The following METTL25 variants were observed in gnomAD, a reference collection of about 807,000 sequenced individuals.
METTL25 encodes the protein methyltransferase like 25.
Under a neutral mutation model 71.6 loss-of-function variants are expected in METTL25, and 64 were observed. That is an observed-to-expected ratio of 0.89 (90% CI 0.73 to 1.10). METTL25 has a LOEUF of 1.10. Ranked by LOEUF, METTL25 falls within the 50% of genes least tolerant of loss-of-function variation. METTL25 has a pLI of 0.00. For synonymous variants in METTL25, 287 were observed against 250.3 expected (o/e 1.15, Z -1.38); for missense variants, 807 against 707.0 (o/e 1.14, Z -1.60).
Position 82,389,835 on chromosome 12 carries a change from T to A in METTL25, c.444T>A (p.Val148=). ...NQRIGENQKA[V]EFMNMKKSHE... is the part of the protein sequence containing the mutation. ...CATTAGGTGAAAATCAGAAGGCAGT[T>A]GAGTTTATGAATATGAAGAAATCTC... Residue 148 remains valine, a synonymous_variant, in exon 3 of 12, where the codon GTT becomes GTA. Transcript: ENST00000248306. 1 of 1,602,288 alleles carries A rather than the reference T, an allele frequency of 6.2e-7. No individual in the cohort carries two copies. The highest frequency in any genetic ancestry group is 1.1e-5 in the South Asian group (1 of 89,580).
At chr12:82,371,958 C>G (rs894470564) in intron 1 of METTL25, among the ~76,000 whole-genome samples, 1 of 152,156 alleles carries the variant, frequency 6.6e-6, no homozygotes, top group Non-Finnish European at 1.5e-5. Flanking sequence ...CCAGTGGATC[C>G]ATACTGGGGA....
intron 9 of METTL25, among the ~76,000 whole-genome samples, chr12:82,467,568 GT>G (rs977316565): frequency 6.6e-6 from 1 of 151,954 alleles, no homozygotes; most frequent in Non-Finnish European, 1.5e-5. Context: ...TTGGCTGGCA[GT>G]TTTTTTGTTT....
intron 1 of METTL25, among the ~76,000 whole-genome samples, chr12:82,369,746 C>T (rs939405197): frequency 2.7e-5 from 4 of 148,750 alleles, no homozygotes; most frequent in Non-Finnish European, 4.5e-5. Context: ...GCTGATTGGT[C>T]CATTTTACAC....
Position 82,358,762 on chromosome 12 carries a change from C to T in METTL25, c.197C>T (p.Ala66Val), listed in dbSNP as rs1434150271. ...ETVLAALRKS[A>V]SETEALPSET... Reference sequence around the variant, plus strand: ...GTGCTGGCTGCGCTGAGGAAGTCAGCGTCGGAGACGGAGGCCCTGCCCTCA... The same window carrying T: ...GTGCTGGCTGCGCTGAGGAAGTCAGTGTCGGAGACGGAGGCCCTGCCCTCA... Residue 66 changes from alanine to valine, a missense_variant, in exon 1 of 12, where the codon GCG (alanine) becomes GTG (valine). Coordinates refer to ENST00000248306, the MANE Select transcript of METTL25 (RefSeq NM_032230.3). 1.9e-6 allele frequency: 3 copies of T among 1,613,486 alleles called. No homozygotes were observed. The highest frequency in any genetic ancestry group is 2.2e-5 in the South Asian group (2 of 91,082).
intron 9 of METTL25, among the ~76,000 whole-genome samples, chr12:82,467,703 G>A (rs1849021301): frequency 6.6e-6 from 1 of 151,994 alleles, no homozygotes; most frequent in Non-Finnish European, 1.5e-5. Context: ...TTCTCTTGAT[G>A]ATTTTAGAAT....
chr12:82,417,739 T>C (rs1402480493), intron 5 of METTL25, among the ~76,000 whole-genome samples: 1 of 152,158 alleles, frequency 6.6e-6, no homozygotes, highest in Non-Finnish European at 1.5e-5. Context: ...AGCAGATATA[T>C]ATCTAGTACA....
chr12:82,364,289 C>T (rs1275945082), intron 1 of METTL25, among the ~76,000 whole-genome samples: 3 of 152,222 alleles, frequency 2.0e-5, no homozygotes, highest in African/African-American at 7.2e-5. Context: ...ATATTTCATT[C>T]GCATAGGTGG....
intron 8 of METTL25, among the ~76,000 whole-genome samples, chr12:82,446,147 C>A (rs529738368): frequency 6.6e-6 from 1 of 151,942 alleles, no homozygotes; most frequent in African/African-American, 2.4e-5. Context: ...GTATGTGCAC[C>A]CAGCACCAGA....
Position 82,399,036 on chromosome 12 carries a change from CTGAGGAAGTGT to C in METTL25, c.775_785del (p.Glu259Ter). On this transcript the variant is annotated frameshift_variant, in exon 4 of 12. Coordinates refer to ENST00000248306, the MANE Select transcript of METTL25 (RefSeq NM_032230.3). LOFTEE classifies it high-confidence loss of function. Reference sequence around the variant, plus strand: ...AATAAAGTTAAAAATAAAGCTGATACTGAGGAAGTGTTTAACAACAGTCCTACAAATCAAGA... The same window carrying C: ...AATAAAGTTAAAAATAAAGCTGATACTTAACAACAGTCCTACAAATCAAGA... 6.2e-7 allele frequency: 1 copy of C among 1,612,150 alleles called. No individual in the cohort carries two copies. Among genetic ancestry groups the C allele is most frequent in the South Asian group, 1.1e-5 (1 of 90,924 alleles).
chr12:82,421,895 G>A (rs1888538163), intron 5 of METTL25, among the ~76,000 whole-genome samples: 1 of 152,168 alleles, frequency 6.6e-6, no homozygotes, highest in Non-Finnish European at 1.5e-5. Flanking sequence ...TGAAATTGAG[G>A]CAATAATTAA....
rs1380274404 is a variant in METTL25, at chr12:82,476,836, T to C, written c.1647+118T>C. 1.8e-5 allele frequency: 11 copies of C among 615,890 alleles called. No homozygotes were observed. In the Admixed American group the frequency reaches 2.0e-4, roughly 11 times the overall value. 38.2% of individuals were successfully genotyped at this position (615,890 alleles called of 1,614,324 possible). On this transcript the variant is annotated intron_variant, in intron 10 of 11. Transcript: ENST00000248306. ...TGTTTTTCTCTTACTGTAGAAAAAC[T>C]GTTTTGGATCATTTCCTATTTCAGG...
chr12:82,460,240 T>TA (rs766242397), intron 9 of METTL25, among the ~76,000 whole-genome samples: 2 of 152,064 alleles, frequency 1.3e-5, no homozygotes, highest in Non-Finnish European at 2.9e-5. Flanking sequence ...AGATTTACTG[T>TA]AAAAAACAAA....
At chr12:82,411,051 T>C (rs7958513) in intron 5 of METTL25, among the ~76,000 whole-genome samples, 1,637 of 152,170 alleles carry the variant, frequency 0.011, 29 homozygotes, top group African/African-American at 0.037. Flanking sequence ...TCCTATTATA[T>C]TGAACTAAAA....
chr12:82,458,936 A>AC (rs1052132213), intron 9 of METTL25, among the ~76,000 whole-genome samples: 10 of 152,324 alleles, frequency 6.6e-5, no homozygotes, highest in African/African-American at 2.2e-4. Flanking sequence ...AGTTTGTAGT[A>AC]CAGAGACACA....
chr12:82,404,248 T>C (rs1886886728), intron 5 of METTL25, among the ~76,000 whole-genome samples: 1 of 152,060 alleles, frequency 6.6e-6, no homozygotes. Flanking sequence ...AGCAAAAATT[T>C]AGCACTAGTT....
rs147008917 is a variant in METTL25 at position 82,392,662 on chromosome 12, G to A, written c.531+2740G>A. ...CCATTTTTGTCCATTGCCCATTTTT[G>A]CTGTGGTTGCCTATGCTTTTGAGGT... On this transcript the variant is annotated intron_variant, in intron 3 of 11. Coordinates refer to ENST00000248306, the MANE Select transcript of METTL25 (RefSeq NM_032230.3). Among the ~76,000 whole-genome samples the A allele has an allele frequency of 2.4e-4, 36 of 152,030 alleles. No individual in the cohort carries two copies. The South Asian group carries it at 4.6e-3, about 19-fold the overall frequency.
At chr12:82,464,353 AT>A (rs1182662107) in intron 9 of METTL25, among the ~76,000 whole-genome samples, 3 of 151,988 alleles carry the variant, frequency 2.0e-5, no homozygotes, top group Non-Finnish European at 4.4e-5. Flanking sequence ...TCCCAGCAAC[AT>A]TTATGGAAGT....
chr12:82,372,159 C>T (rs990831838), intron 1 of METTL25, among the ~76,000 whole-genome samples: 1 of 152,198 alleles, frequency 6.6e-6, no homozygotes, highest in Non-Finnish European at 1.5e-5. Context: ...GCCCTAGACC[C>T]TGTAGGACAT....
intron 4 of METTL25, 116 bp from the exon 5 acceptor site, chr12:82,402,866 AG>A: frequency 3.0e-6 from 2 of 667,992 alleles, no homozygotes; most frequent in Admixed American, 6.5e-5. Context: ...GCCTGTGAAT[AG>A]CCACCACAGT....
Sources: allele counts gnomAD v4.1 joint callset (sites outside exome capture counted in the v4.1 genomes callset), GRCh38; gene constraint gnomAD v4.1.1; transcripts MANE v1.5; gene names NCBI Gene and HGNC (gene_info 2026-07-23, HGNC 2026-07-21).